The following CACNA2D3 variants were observed in gnomAD, a reference collection of about 807,000 sequenced individuals.
CACNA2D3 encodes the protein voltage-dependent calcium channel subunit alpha-2/delta-3.
CACNA2D3 carries 60 observed loss-of-function variants against 160.6 expected under a neutral mutation model. The observed-to-expected ratio is 0.37, with a 90% CI of 0.30 to 0.46. CACNA2D3 has a LOEUF of 0.46. CACNA2D3 is among the 20% of genes least tolerant of loss of function. CACNA2D3 has a pLI of 1.00. For missense variants in CACNA2D3, 1,205 were observed against 1,365.0 expected (o/e 0.88, Z 1.85); for synonymous variants, 558 against 492.9 (o/e 1.13, Z -1.75).
intron 11 of CACNA2D3, among the ~76,000 whole-genome samples, chr3:54,727,221 C>T (rs1191119807): frequency 2.0e-5 from 3 of 152,178 alleles, no homozygotes; most frequent in Non-Finnish European, 4.4e-5. Flanking sequence ...CATCTCACAC[C>T]AGTTAGAATG....
intron 27 of CACNA2D3, among the ~76,000 whole-genome samples, chr3:54,963,620 C>A (rs116108128): frequency 0.012 from 1,826 of 152,318 alleles, 42 homozygotes; most frequent in African/African-American, 0.041. Context: ...TAGATTCAAG[C>A]ATGCCGATCA....
intron 4 of CACNA2D3, among the ~76,000 whole-genome samples, chr3:54,391,659 C>T (rs955715000): frequency 6.6e-6 from 1 of 152,126 alleles, no homozygotes; most frequent in African/African-American, 2.4e-5. Context: ...TACAGGTGTG[C>T]ACCATGACAC....
intron 3 of CACNA2D3, among the ~76,000 whole-genome samples, chr3:54,332,422 C>G (rs188058092): frequency 8.0e-4 from 122 of 152,246 alleles, no homozygotes; most frequent in African/African-American, 2.7e-3. Context: ...ACCCAGCCAC[C>G]CTTGCAATTT....
rs1260259058 is a variant in CACNA2D3 at position 54,149,879 on chromosome 3, ATCTG to A, written c.204+26289_204+26292del. 2.0e-4 allele frequency among the ~76,000 whole-genome samples: 18 copies of A among 91,184 alleles called. No individual in the cohort carries two copies. In the East Asian group the frequency reaches 4.7e-3, roughly 24 times the overall value. The allele number at this position is 91,184 out of a possible 152,430, so 59.8% of individuals were successfully genotyped here. A position where few individuals can be genotyped will look rare whatever the true frequency, so the allele number is the denominator to read the frequency against. Reference sequence around the variant, plus strand: ...GTAACAGAGAGGGCTGTCCTGAAGTATCTGTCTCTCTCTCTCTCTCTCTCTCTCT... The same window carrying A: ...GTAACAGAGAGGGCTGTCCTGAAGTATCTCTCTCTCTCTCTCTCTCTCTCT... On this transcript the variant is annotated intron_variant, in intron 2 of 37. Coordinates refer to ENST00000474759, the MANE Select transcript of CACNA2D3 (RefSeq NM_018398.3).
chr3:55,041,835 G>A (rs1312041726), intron 35 of CACNA2D3, among the ~76,000 whole-genome samples: 2 of 151,966 alleles, frequency 1.3e-5, no homozygotes, highest in Admixed American at 6.6e-5. Context: ...ATATTCCACA[G>A]GTTTTGATAT....
chr3:54,386,337 A>G (rs1699185505), intron 3 of CACNA2D3, among the ~76,000 whole-genome samples: 1 of 152,168 alleles, frequency 6.6e-6, no homozygotes, highest in African/African-American at 2.4e-5. Flanking sequence ...TTAAAGTTGG[A>G]CTCAATTCAA....
intron 2 of CACNA2D3, among the ~76,000 whole-genome samples, chr3:54,190,542 C>T (rs1013771927): frequency 6.6e-6 from 1 of 152,176 alleles, no homozygotes; most frequent in Non-Finnish European, 1.5e-5. Context: ...TGATTTTTAG[C>T]CCCAGCTGAA....
At chr3:54,837,594 T>C (rs1698723548) in intron 15 of CACNA2D3, among the ~76,000 whole-genome samples, 1 of 152,160 alleles carries the variant, frequency 6.6e-6, no homozygotes, top group South Asian at 2.1e-4. Context: ...CTTAAAAAAA[T>C]AGAAATTTCT....
intron 2 of CACNA2D3, among the ~76,000 whole-genome samples, chr3:54,187,993 C>T (rs1700906608): frequency 6.6e-6 from 1 of 152,008 alleles, no homozygotes; most frequent in Non-Finnish European, 1.5e-5. Context: ...GGGTGCCAGG[C>T]ACTCTTATCA....
chr3:54,580,616 C>T (rs1018904989), intron 8 of CACNA2D3, among the ~76,000 whole-genome samples: 1 of 152,172 alleles, frequency 6.6e-6, no homozygotes, highest in Non-Finnish European at 1.5e-5. Flanking sequence ...ATCAAATGGT[C>T]CTCAGGCACC....
intron 14 of CACNA2D3, among the ~76,000 whole-genome samples, chr3:54,829,885 C>CTTTTTTTTTTTTTTTTTTTTTTTTTTT (rs58291013): frequency 1.6e-5 from 1 of 64,310 alleles, no homozygotes; most frequent in Non-Finnish European, 2.8e-5. Context: ...TCTTCTTCAT[C>CTTTTTTTTTTTTTTTTTTTTTTTTTTT]TTTTTTTTTT....
At chr3:54,215,161 C>T (rs1377169016) in intron 2 of CACNA2D3, among the ~76,000 whole-genome samples, 1 of 152,114 alleles carries the variant, frequency 6.6e-6, no homozygotes, top group Non-Finnish European at 1.5e-5. Flanking sequence ...GTTCTGTCCC[C>T]ATTTTATCTT....
chr3:54,587,506 G>A (rs1168092957), intron 9 of CACNA2D3, among the ~76,000 whole-genome samples: 1 of 152,056 alleles, frequency 6.6e-6, no homozygotes, highest in African/African-American at 2.4e-5. Context: ...GCAGTAAGCT[G>A]AGATGGTGCC....
At chr3:54,160,044 C>G (rs78687693) in intron 2 of CACNA2D3, among the ~76,000 whole-genome samples, 12,795 of 152,240 alleles carry the variant, frequency 0.084, 703 homozygotes, top group Middle Eastern at 0.14. Flanking sequence ...TGTTGATCTA[C>G]TCTTCATATG....
In CACNA2D3 at chr3:55,033,799, T is replaced by C. The variant is rs968931272; in HGVS notation, c.2987+15482T>C. ...TGTATTATATATTAAATATATTTTA[T>C]ATAATATGTATTATATATTAAATAT... On this transcript the variant is annotated intron_variant, in intron 35 of 37. Coordinates refer to ENST00000474759, the MANE Select transcript of CACNA2D3 (RefSeq NM_018398.3). 6.3e-5 allele frequency among the ~76,000 whole-genome samples: 8 copies of C among 127,762 alleles called. 1 individual carries two copies. In the East Asian group the frequency reaches 1.6e-3, roughly 26 times the overall value. The allele number at this position is 127,762 out of a possible 152,430, so 83.8% of individuals were successfully genotyped here. A position where few individuals can be genotyped will look rare whatever the true frequency, so the allele number is the denominator to read the frequency against.
intron 13 of CACNA2D3, among the ~76,000 whole-genome samples, chr3:54,766,222 C>G (rs1702220887): frequency 6.6e-6 from 1 of 152,018 alleles, no homozygotes; most frequent in African/African-American, 2.4e-5. Flanking sequence ...ATATTTGTGA[C>G]ACATAGTACA....
At chr3:54,788,713 C>T (rs1195065524) in intron 13 of CACNA2D3, among the ~76,000 whole-genome samples, 2 of 152,140 alleles carry the variant, frequency 1.3e-5, no homozygotes, top group African/African-American at 2.4e-5. Flanking sequence ...CTTCCTTTTT[C>T]TGGGTCCAAG....
intron 35 of CACNA2D3, among the ~76,000 whole-genome samples, chr3:55,058,446 C>T (rs185894705): frequency 7.2e-5 from 11 of 151,948 alleles, no homozygotes; most frequent in African/African-American, 1.4e-4. Flanking sequence ...CAAGGATATA[C>T]GGTAAAAATG....
chr3:55,045,734 G>C (rs1270486176), intron 35 of CACNA2D3, among the ~76,000 whole-genome samples: 1 of 152,074 alleles, frequency 6.6e-6, no homozygotes, highest in Non-Finnish European at 1.5e-5. Flanking sequence ...AGAATCTGTA[G>C]TAATGTCGTT....
Sources: gnomAD v4.1 joint callset for allele counts (sites outside exome capture counted in the v4.1 genomes callset) on GRCh38, gnomAD v4.1.1 for gene constraint, MANE v1.5 for transcripts, NCBI Gene and HGNC (gene_info 2026-07-23, HGNC 2026-07-21) for gene names.